BMP7: variants seen among roughly 807,000 people sequenced by gnomAD.
The protein encoded by BMP7 is osteogenic protein 1.
BMP7 carries 12 observed loss-of-function variants against 41.2 expected under a neutral mutation model. That is an observed-to-expected ratio of 0.29 (90% CI 0.19 to 0.47). The LOEUF (loss-of-function observed/expected upper bound fraction) is 0.47, where lower values mean the gene tolerates loss of function less well. BMP7 is among the 20% of genes least tolerant of loss of function. BMP7 has a pLI of 0.99. For missense variants in BMP7, 467 were observed against 606.0 expected (o/e 0.77, Z 2.41); for synonymous variants, 248 against 250.0 (o/e 0.99, Z 0.07).
intron 1 of BMP7, among the ~76,000 whole-genome samples, chr20:57,263,508 G>T (rs2066161769): frequency 6.6e-6 from 1 of 152,196 alleles, no homozygotes; most frequent in South Asian, 2.1e-4. Flanking sequence ...CACACTGCCG[G>T]CCCATAAGCA....
At chr20:57,173,362 C>T in intron 5 of BMP7, 52 bp from the exon 6 acceptor site, 1 of 1,548,508 alleles carries the variant, frequency 6.5e-7, no homozygotes, top group Non-Finnish European at 8.9e-7. Flanking sequence ...TGAGCCACAG[C>T]ATCCCAACCC....
chr20:57,228,339 T>C lies in BMP7; in HGVS notation c.501A>G (p.Glu167=). The C allele has an allele frequency of 6.2e-7, 1 of 1,614,056 alleles. No individual in the cohort carries two copies. The highest frequency in any genetic ancestry group is 8.5e-7 in the Non-Finnish European group (1 of 1,179,994). The change falls in exon 2 of 7, where the codon GAA becomes GAG. Residue 167 remains glutamate, a synonymous_variant. Transcript: ENST00000395863. The surrounding 1 kb of genome is among the most constrained non-coding windows in gnomAD (Gnocchi z 4.5). ...TCCGGAATTCGGCTGCCGTGACAGC[T>C]TCCCCTTCTGGGATCTTGGAAAGAT... ...RFDLSKIPEG[E]AVTAAEFRIY... is the part of the protein sequence containing the mutation.
intron 4 of BMP7, among the ~76,000 whole-genome samples, chr20:57,182,714 C>G (rs917873995): frequency 1.3e-5 from 2 of 152,232 alleles, no homozygotes; most frequent in African/African-American, 4.8e-5. Context: ...TACCTCAGAG[C>G]CTCAAGAACC....
At chr20:57,188,592 G>T (rs1239801852) in intron 3 of BMP7, among the ~76,000 whole-genome samples, 1 of 150,976 alleles carries the variant, frequency 6.6e-6, no homozygotes, top group Non-Finnish European at 1.5e-5. Context: ...TTGAAATGGT[G>T]AGTTTTATGT....
chr20:57,203,488 G>T (rs1354036027), intron 2 of BMP7, among the ~76,000 whole-genome samples: 1 of 151,962 alleles, frequency 6.6e-6, no homozygotes, highest in African/African-American at 2.4e-5. Flanking sequence ...TGGATGGATG[G>T]ATGGATGGAT....
At chr20:57,244,645 C>T (rs2123133611) in intron 1 of BMP7, among the ~76,000 whole-genome samples, 2 of 152,324 alleles carry the variant, frequency 1.3e-5, no homozygotes, top group South Asian at 4.1e-4. Flanking sequence ...GGCAGAGGCC[C>T]CCAGTTCTGG....
chr20:57,178,899 A>C (rs933813518), intron 4 of BMP7, among the ~76,000 whole-genome samples: 2 of 152,134 alleles, frequency 1.3e-5, no homozygotes, highest in African/African-American at 4.8e-5. Context: ...AGCACAGGAG[A>C]GGCCATGATC....
chr20:57,188,546 TAAAAA>T lies in BMP7; in HGVS notation c.761-4632_761-4628del. Among the ~76,000 whole-genome samples, 2 of 117,538 alleles carry T rather than the reference TAAAAA, an allele frequency of 1.7e-5. 1 individual carries two copies. The allele number at this position is 117,538 out of a possible 152,430, so 77.1% of individuals were successfully genotyped here. A position where few individuals can be genotyped will look rare whatever the true frequency, so the allele number is the denominator to read the frequency against. ...TGGCTGCACAACAATGAGAATATACTAAAAAAAAAAAAAAAAAATCACCAAATTGC... is the reference window on the plus strand; with the variant it reads ...TGGCTGCACAACAATGAGAATATACTAAAAAAAAAAAAATCACCAAATTGC... On this transcript the variant is annotated intron_variant, in intron 3 of 6. Transcript: ENST00000395863.
intron 1 of BMP7, among the ~76,000 whole-genome samples, chr20:57,229,390 C>T (rs1022368420): frequency 6.6e-6 from 1 of 152,204 alleles, no homozygotes; most frequent in African/African-American, 2.4e-5. Flanking sequence ...GGCAAAAGGC[C>T]TCCACCTTTC....
rs2123051581 is a variant in BMP7 at position 57,168,757 on chromosome 20, G to C, written c.*2202C>G. 1 of 152,348 alleles carries C rather than the reference G, an allele frequency of 6.6e-6. No individual in the cohort carries two copies. The highest frequency in any genetic ancestry group is 2.1e-4 in the South Asian group (1 of 4,826). 9.4% of individuals were successfully genotyped at this position (152,348 alleles called of 1,614,324 possible). A position where few individuals can be genotyped will look rare whatever the true frequency, so the allele number is the denominator to read the frequency against. ...CAGACAGACACAGGCCAAAGAGCCA[G>C]AACCAAACGTCTCCTTTTATTGCAA... On this transcript the variant is annotated 3_prime_UTR_variant, in exon 7 of 7. Coordinates refer to ENST00000395863, the MANE Select transcript of BMP7 (RefSeq NM_001719.3).
rs1983792932 is a variant in BMP7, at chr20:57,170,619, G to T, written c.*340C>A. On this transcript the variant is annotated 3_prime_UTR_variant, in exon 7 of 7. Transcript: ENST00000395863. ...CTTCCTCCCACGGCTGGGTGGCCTG[G>T]CTGGTAGGCGCTCATAATTACCTCT... 1 of 353,142 alleles carries T rather than the reference G, an allele frequency of 2.8e-6. No homozygotes were observed. Among genetic ancestry groups the T allele is most frequent in the African/African-American group, 2.1e-5 (1 of 47,330 alleles). The allele number at this position is 353,142 out of a possible 1,614,324, so 21.9% of individuals were successfully genotyped here. A position where few individuals can be genotyped will look rare whatever the true frequency, so the allele number is the denominator to read the frequency against.
chr20:57,196,976 A>C (rs555622464), intron 3 of BMP7, among the ~76,000 whole-genome samples: 8 of 151,440 alleles, frequency 5.3e-5, no homozygotes, highest in Middle Eastern at 3.4e-3. Flanking sequence ...ATCTCGGTTC[A>C]CTGCAACCTC....
At chr20:57,243,433 C>T (rs547751259) in intron 1 of BMP7, among the ~76,000 whole-genome samples, 10 of 152,102 alleles carry the variant, frequency 6.6e-5, no homozygotes, top group African/African-American at 2.4e-4. Context: ...GAGCTGAGAT[C>T]GTACCACTGC....
chr20:57,216,348 G>A (rs1457196534), intron 2 of BMP7, among the ~76,000 whole-genome samples: 2 of 152,208 alleles, frequency 1.3e-5, no homozygotes, highest in Non-Finnish European at 2.9e-5. Context: ...TTGTCTGAGA[G>A]GTGACCCCAG....
chr20:57,209,283 A>ATATG (rs1555814068), intron 2 of BMP7, among the ~76,000 whole-genome samples: 1 of 132,714 alleles, frequency 7.5e-6, no homozygotes, highest in East Asian at 2.2e-4. Context: ...ATATATATAT[A>ATATG]TATGTATATA....
intron 1 of BMP7, among the ~76,000 whole-genome samples, chr20:57,255,292 T>C (rs989430284): frequency 6.6e-6 from 1 of 152,136 alleles, no homozygotes; most frequent in African/African-American, 2.4e-5. Flanking sequence ...TCCTCCTCTC[T>C]AAAATGGAAA....
rs1366105096 is a variant in BMP7, at chr20:57,265,859, G to GTT, written c.262_263dup (p.Asn88LysfsTer48). 1 of 1,606,720 alleles carries GTT rather than the reference G, an allele frequency of 6.2e-7. No homozygotes were observed. Among genetic ancestry groups the GTT allele is most frequent in the South Asian group, 1.1e-5 (1 of 89,310 alleles). On this transcript the variant is annotated frameshift_variant, in exon 1 of 7. Transcript: ENST00000395863. LOFTEE classifies it high-confidence loss of function. Reference sequence around the variant, plus strand: ...CGCCGCCCTCCTCCACCGCCATGGCGTTGTACAGGTCCAGCATGAACATGG... The same window carrying GTT: ...CGCCGCCCTCCTCCACCGCCATGGCGTTTTGTACAGGTCCAGCATGAACATGG...
At position 57,169,205 on chromosome 20, in the gene BMP7, T is replaced by A. The variant is rs1983757007; in HGVS notation, c.*1754A>T. 1 of 151,924 alleles carries A rather than the reference T, an allele frequency of 6.6e-6. No individual in the cohort carries two copies. The highest frequency in any genetic ancestry group is 2.4e-5 in the African/African-American group (1 of 41,332). 9.4% of individuals were successfully genotyped at this position (151,924 alleles called of 1,614,324 possible). A position where few individuals can be genotyped will look rare whatever the true frequency, so the allele number is the denominator to read the frequency against. ...TAAAGAAGAAAAACATCAAAGAAAA[T>A]AAAAACAGAGCCCCGGTGTTTCCAG... is the stretch of plus-strand genomic sequence containing the variant. On this transcript the variant is annotated 3_prime_UTR_variant, in exon 7 of 7. Coordinates refer to ENST00000395863, the MANE Select transcript of BMP7 (RefSeq NM_001719.3).
chr20:57,201,164 C>A (rs1392911827), intron 3 of BMP7, among the ~76,000 whole-genome samples: 1 of 152,186 alleles, frequency 6.6e-6, no homozygotes, highest in Admixed American at 6.5e-5. Context: ...CTGGGAAAAT[C>A]CTACGTACAT....
Sources: gnomAD v4.1 joint callset for allele counts (sites outside exome capture counted in the v4.1 genomes callset) on GRCh38, gnomAD v4.1.1 for gene constraint, Gnocchi (gnomAD v3.1) non-coding constraint, MANE v1.5 for transcripts, NCBI Gene and HGNC (gene_info 2026-07-23, HGNC 2026-07-21) for gene names.